Variants in NAT1 observed in about 807,000 individuals in gnomAD.
NAT1 encodes N-acetyltransferase 1.
For synonymous variants in NAT1, 144 were observed against 122.6 expected (o/e 1.17, Z -1.16); for missense variants, 400 against 339.2 (o/e 1.18, Z -1.41).
intron 2 of NAT1, among the ~76,000 whole-genome samples, chr8:18,204,319 C>G (rs1179096809): frequency 1.3e-5 from 2 of 152,258 alleles, no homozygotes; most frequent in South Asian, 4.1e-4. Context: ...AGAGAGTATA[C>G]AGCCTTCACT....
At chr8:18,183,957 C>T (rs1041387890) in intron 2 of NAT1, among the ~76,000 whole-genome samples, 11 of 152,182 alleles carry the variant, frequency 7.2e-5, no homozygotes, top group African/African-American at 1.9e-4. Flanking sequence ...CACAGCATCT[C>T]TCATGAGTTG....
intron 2 of NAT1, among the ~76,000 whole-genome samples, chr8:18,186,012 G>A (rs893730282): frequency 1.3e-5 from 2 of 152,108 alleles, no homozygotes; most frequent in Non-Finnish European, 2.9e-5. Context: ...AAAGCACACA[G>A]TACGTATGAT....
chr8:18,195,099 G>C (rs1479957139), intron 2 of NAT1, among the ~76,000 whole-genome samples: 2 of 152,166 alleles, frequency 1.3e-5, no homozygotes, highest in African/African-American at 2.4e-5. Flanking sequence ...AGTTACAGGG[G>C]ATCATCTCAA....
chr8:18,206,500 T>C (rs1231019263), upstream of NAT1, among the ~76,000 whole-genome samples: 1 of 152,244 alleles, frequency 6.6e-6, no homozygotes, highest in African/African-American at 2.4e-5. Context: ...AGATGCGCAC[T>C]CTTGCCATTT....
intron 2 of NAT1, among the ~76,000 whole-genome samples, chr8:18,183,311 G>A (rs1277838233): frequency 6.6e-6 from 1 of 152,142 alleles, no homozygotes; most frequent in Non-Finnish European, 1.5e-5. Context: ...AACATCAGTT[G>A]GGGAAGGGGA....
At chr8:18,174,868 A>G (rs951369464) in intron 2 of NAT1, among the ~76,000 whole-genome samples, 40 of 152,242 alleles carry the variant, frequency 2.6e-4, no homozygotes, top group African/African-American at 9.6e-4. Context: ...TCATGCTTAT[A>G]TAGCACTAAG....
intron 2 of NAT1, among the ~76,000 whole-genome samples, chr8:18,193,348 C>G (rs1056145963): frequency 6.7e-6 from 1 of 149,248 alleles, no homozygotes; most frequent in African/African-American, 2.5e-5. Flanking sequence ...CCTGTAGCTA[C>G]TTGGGAGGCA....
chr8:18,175,062 G>A (rs995286509), intron 2 of NAT1, among the ~76,000 whole-genome samples: 3 of 151,694 alleles, frequency 2.0e-5, no homozygotes, highest in Non-Finnish European at 4.4e-5. Flanking sequence ...TTTGTAGAGA[G>A]TTTTAGTTTT....
upstream of NAT1, among the ~76,000 whole-genome samples, chr8:18,208,538 T>A (rs941426907): frequency 6.6e-6 from 1 of 151,922 alleles, no homozygotes; most frequent in Non-Finnish European, 1.5e-5. Flanking sequence ...TCAAAAAGAA[T>A]AAAATAGAGG....
At chr8:18,210,210 A>T (rs1803939014) in intron 1 of NAT1, 30 bp downstream of exon 1, 1 of 152,162 alleles carries the variant, frequency 6.6e-6, no homozygotes. Flanking sequence ...GGGCTTTGAA[A>T]TTGGGGTTTA....
At chr8:18,181,277 T>C (rs553861865) in intron 2 of NAT1, among the ~76,000 whole-genome samples, 1 of 152,310 alleles carries the variant, frequency 6.6e-6, no homozygotes, top group African/African-American at 2.4e-5. Context: ...TTCAATGGGA[T>C]TGCTTTCTCA....
At chr8:18,182,091 G>C (rs966866143) in intron 2 of NAT1, among the ~76,000 whole-genome samples, 4 of 152,150 alleles carry the variant, frequency 2.6e-5, no homozygotes, top group Non-Finnish European at 4.4e-5. Flanking sequence ...TTGGCAATGA[G>C]TGATTATCCT....
chr8:18,185,604 C>G (rs985067319), intron 2 of NAT1, among the ~76,000 whole-genome samples: 8 of 152,202 alleles, frequency 5.3e-5, no homozygotes, highest in African/African-American at 1.9e-4. Flanking sequence ...AAAAACAAAA[C>G]AAATCTTAAT....
At chr8:18,193,467 T>A (rs1589075097) in intron 2 of NAT1, among the ~76,000 whole-genome samples, 2 of 142,732 alleles carry the variant, frequency 1.4e-5, no homozygotes, top group Admixed American at 1.4e-4. Context: ...AAAAAAAAAA[T>A]TTATATATAT....
At chr8:18,192,042 G>A (rs564638196) in intron 2 of NAT1, among the ~76,000 whole-genome samples, 9,402 of 151,304 alleles carry the variant, frequency 0.062, 416 homozygotes, top group Middle Eastern at 0.13. Context: ...TACCATCAGA[G>A]TGAACAGGCA....
chr8:18,208,923 C>G (rs150466090), upstream of NAT1, among the ~76,000 whole-genome samples: 1 of 152,330 alleles, frequency 6.6e-6, no homozygotes, highest in East Asian at 1.9e-4. Context: ...GATTTGCATT[C>G]AGGTAGATTA....
chr8:18,171,259 G>T (rs1802088161), intron 2 of NAT1, among the ~76,000 whole-genome samples: 1 of 152,134 alleles, frequency 6.6e-6, no homozygotes, highest in African/African-American at 2.4e-5. Context: ...AATTTGGACA[G>T]AATTGTTTAC....
chr8:18,204,602 T>C (rs1477760562), intron 2 of NAT1, among the ~76,000 whole-genome samples: 1 of 152,104 alleles, frequency 6.6e-6, no homozygotes, highest in Non-Finnish European at 1.5e-5. Context: ...ATACAAAAAA[T>C]TGAGGAAACA....
chr8:18,195,605 G>A (rs1803197014), intron 2 of NAT1, among the ~76,000 whole-genome samples: 1 of 151,914 alleles, frequency 6.6e-6, no homozygotes. Flanking sequence ...TTTTTTTTCT[G>A]ATTCAAAATG....
Sources: allele counts gnomAD v4.1 joint callset (sites outside exome capture counted in the v4.1 genomes callset), GRCh38; gene constraint gnomAD v4.1.1; transcripts MANE v1.5; gene names NCBI Gene and HGNC (gene_info 2026-07-23, HGNC 2026-07-21).